Variants in TEX2 observed in about 807,000 individuals in gnomAD.
TEX2 encodes the protein testis-expressed protein 2.
In TEX2, 53 loss-of-function variants were observed where a neutral mutation model predicts 106.9. That is an observed-to-expected ratio of 0.50 (90% CI 0.40 to 0.62). The LOEUF (loss-of-function observed/expected upper bound fraction) is 0.62. Ranked by LOEUF, TEX2 falls within the 20% of genes least tolerant of loss-of-function variation. The probability of loss-of-function intolerance (pLI) is 0.00; values close to 1 mark genes in which losing one functional copy is unlikely to be tolerated. For synonymous variants in TEX2, 523 were observed against 534.8 expected, an observed-to-expected ratio of 0.98 and a Z score of 0.30; for missense variants, 1,207 against 1,379.0, an observed-to-expected ratio of 0.88 and a Z score of 1.98.
At chr17:64,242,774 C>T (rs917707318) in intron 1 of TEX2, among the ~76,000 whole-genome samples, 1 of 152,102 alleles carries the variant, frequency 6.6e-6, no homozygotes, top group Non-Finnish European at 1.5e-5. Flanking sequence ...CACGCAATGC[C>T]TCCTTCATAA....
At chr17:64,198,556 C>T (rs1265660276) in intron 2 of TEX2, among the ~76,000 whole-genome samples, 1 of 152,036 alleles carries the variant, frequency 6.6e-6, no homozygotes, top group Admixed American at 6.6e-5. Flanking sequence ...CATGCAATTG[C>T]TCTTCTTGAA....
At chr17:64,158,210 C>T (rs772171158) in intron 8 of TEX2, among the ~76,000 whole-genome samples, 1 of 152,252 alleles carries the variant, frequency 6.6e-6, no homozygotes, top group Non-Finnish European at 1.5e-5. Flanking sequence ...CTCAGTCTAA[C>T]CCTCAGGGTG....
At chr17:64,181,425 G>A (rs1057196549) in intron 5 of TEX2, among the ~76,000 whole-genome samples, 11 of 147,970 alleles carry the variant, frequency 7.4e-5, no homozygotes, top group East Asian at 2.0e-4. Context: ...GCAGTGGGCC[G>A]AGACCGTGCC....
At chr17:64,170,084 T>TACA (rs1399076488) in intron 7 of TEX2, among the ~76,000 whole-genome samples, 2 of 152,300 alleles carry the variant, frequency 1.3e-5, no homozygotes, top group Non-Finnish European at 2.9e-5. Context: ...TACAAATCCT[T>TACA]ACATCATCAT....
At chr17:64,196,192 T>C (rs1349621262) in intron 2 of TEX2, among the ~76,000 whole-genome samples, 2 of 152,218 alleles carry the variant, frequency 1.3e-5, no homozygotes, top group Non-Finnish European at 2.9e-5. Flanking sequence ...ATTGAATCTA[T>C]GTGCGAAGCA....
chr17:64,246,041 C>T (rs1555636249), intron 1 of TEX2, among the ~76,000 whole-genome samples: 2 of 152,158 alleles, frequency 1.3e-5, no homozygotes, highest in Non-Finnish European at 2.9e-5. Flanking sequence ...ACGTGTGCTG[C>T]CAATGGTCTA....
chr17:64,251,731 A>G (rs2034096260), intron 1 of TEX2, among the ~76,000 whole-genome samples: 1 of 152,104 alleles, frequency 6.6e-6, no homozygotes. Flanking sequence ...TCTAAACACA[A>G]CTGCCCAGCT....
chr17:64,224,548 C>T lies in TEX2; in HGVS notation c.-25-10306G>A, dbSNP rs113928130. 3.9e-3 allele frequency among the ~76,000 whole-genome samples: 595 copies of T among 152,244 alleles called. 4 individuals carry two copies. Among genetic ancestry groups the T allele is most frequent in the African/African-American group, 0.014 (579 of 41,532 alleles). On this transcript the variant is annotated intron_variant, in intron 1 of 11. Coordinates refer to ENST00000584379, the MANE Select transcript of TEX2 (RefSeq NM_001288732.2). ...ATTTAAAGAAAAGAAAAAGACAAGA[C>T]TCTATCTTCATCACTGGCAAGAAAC...
At chr17:64,206,550 C>CTTTT (rs60956243) in intron 2 of TEX2, among the ~76,000 whole-genome samples, 32 of 77,204 alleles carry the variant, frequency 4.1e-4, no homozygotes, top group African/African-American at 1.7e-3. Flanking sequence ...AGAGGTCTTA[C>CTTTT]TTTTTTTTTT....
chr17:64,222,691 T>C (rs1201788078), intron 1 of TEX2, among the ~76,000 whole-genome samples: 1 of 152,096 alleles, frequency 6.6e-6, no homozygotes, highest in Non-Finnish European at 1.5e-5. Context: ...GAAATAATAC[T>C]CTGAACCACT....
At chr17:64,218,782 A>G (rs1432493416) in intron 1 of TEX2, among the ~76,000 whole-genome samples, 1 of 152,080 alleles carries the variant, frequency 6.6e-6, no homozygotes, top group East Asian at 1.9e-4. Flanking sequence ...TGGAACACCA[A>G]CTGGAGACTC....
At chr17:64,240,094 A>G (rs1555635590) in intron 1 of TEX2, among the ~76,000 whole-genome samples, 1 of 152,046 alleles carries the variant, frequency 6.6e-6, no homozygotes, top group Non-Finnish European at 1.5e-5. Flanking sequence ...ATGAGGGGGA[A>G]AATACAAACT....
In TEX2 at chr17:64,147,355, T is replaced by A. The variant is rs547691479; in HGVS notation, c.*1614A>T. 6.6e-6 allele frequency: 1 copy of A among 152,046 alleles called. No individual in the cohort carries two copies. Among genetic ancestry groups the A allele is most frequent in the Admixed American group, 6.6e-5 (1 of 15,236 alleles). 9.4% of individuals were successfully genotyped at this position (152,046 alleles called of 1,614,324 possible). On this transcript the variant is annotated 3_prime_UTR_variant, in exon 12 of 12. Transcript: ENST00000584379. ...GTAAATGAAAGCTGCGATTGCCAGG[T>A]GAGGGCCCCGGTGCTCTGTACTCAT...
intron 1 of TEX2, among the ~76,000 whole-genome samples, chr17:64,259,756 G>C (rs1555638294): frequency 6.6e-6 from 1 of 152,216 alleles, no homozygotes; most frequent in Admixed American, 6.5e-5. Context: ...AGGGACATAA[G>C]TGATCTCATT....
chr17:64,248,403 C>T (rs1006605907), intron 1 of TEX2, among the ~76,000 whole-genome samples: 1 of 152,156 alleles, frequency 6.6e-6, no homozygotes, highest in South Asian at 2.1e-4. Context: ...TGGGTAAGGA[C>T]CTCATTTTAA....
chr17:64,251,439 GA>G (rs1450605191), intron 1 of TEX2, among the ~76,000 whole-genome samples: 1 of 152,162 alleles, frequency 6.6e-6, no homozygotes, highest in Non-Finnish European at 1.5e-5. Context: ...CAGTCTCCCA[GA>G]AAACGCATCA....
chr17:64,228,637 T>A (rs1034818709), intron 1 of TEX2, among the ~76,000 whole-genome samples: 15 of 152,116 alleles, frequency 9.9e-5, no homozygotes, highest in African/African-American at 3.6e-4. Context: ...TAAATACAGA[T>A]GAAGCTTTGC....
intron 5 of TEX2, among the ~76,000 whole-genome samples, chr17:64,186,970 A>G (rs1282613738): frequency 6.6e-6 from 1 of 152,224 alleles, no homozygotes; most frequent in Non-Finnish European, 1.5e-5. Flanking sequence ...AAATAGTCTC[A>G]GCGAGCCAAG....
chr17:64,213,504 A>C lies in TEX2; in HGVS notation c.714T>G (p.Pro238=). The C allele has an allele frequency of 6.2e-7, 1 of 1,614,154 alleles. No homozygotes were observed. The highest frequency in any genetic ancestry group is 8.5e-7 in the Non-Finnish European group (1 of 1,179,994). Residue 238 remains proline, a synonymous_variant, in exon 2 of 12, where the codon CCT becomes CCG. Coordinates refer to ENST00000584379, the MANE Select transcript of TEX2 (RefSeq NM_001288732.2). This position sits in a 1 kb window ranked among gnomAD's most constrained non-coding sequence, Gnocchi z 4.4. Reference sequence around the variant, plus strand: ...ACAGGTGTAAGTTCAGTTTGGAATCAGGTGGCTTATAGGACACTGTATCCG... The same window carrying C: ...ACAGGTGTAAGTTCAGTTTGGAATCCGGTGGCTTATAGGACACTGTATCCG... ...QESDTVSYKP[P]DSKLNLHLFK...
Sources: allele counts gnomAD v4.1 joint callset (sites outside exome capture counted in the v4.1 genomes callset), GRCh38; gene constraint gnomAD v4.1.1; non-coding constraint Gnocchi (gnomAD v3.1); transcripts MANE v1.5; gene names NCBI Gene and HGNC (gene_info 2026-07-23, HGNC 2026-07-21).